YTHDC2: variants seen among roughly 807,000 people sequenced by gnomAD.
YTHDC2 encodes the protein 3'-5' RNA helicase YTHDC2.
A neutral mutation model predicts 174.9 loss-of-function variants in YTHDC2; 45 were observed. The ratio of observed to expected loss-of-function variants is 0.26; its 90% CI spans 0.20 to 0.33. YTHDC2 has a LOEUF of 0.33. Among genes scored for constraint, YTHDC2 ranks in the 10% least tolerant of loss-of-function variants. The pLI, the probability that YTHDC2 is intolerant of heterozygous loss-of-function variation, is 1.00. For synonymous variants in YTHDC2, 657 were observed against 574.5 expected (o/e 1.14, Z -2.05); for missense variants, 1,650 against 1,723.7 (o/e 0.96, Z 0.76).
intron 20 of YTHDC2, 27 bp from the exon 21 acceptor site, chr5:113,565,866 T>C: frequency 6.2e-7 from 1 of 1,604,588 alleles, no homozygotes; most frequent in Non-Finnish European, 8.5e-7. Context: ...AAATGTGTCT[T>C]GTTATGCAAT....
At chr5:113,560,596 G>A (rs1468361938) in intron 17 of YTHDC2, among the ~76,000 whole-genome samples, 1 of 152,138 alleles carries the variant, frequency 6.6e-6, no homozygotes, top group Non-Finnish European at 1.5e-5. Context: ...TTAGGAGACT[G>A]CTTTTCTTCC....
intron 26 of YTHDC2, among the ~76,000 whole-genome samples, chr5:113,589,310 T>C (rs1380718965): frequency 6.6e-6 from 1 of 151,034 alleles, no homozygotes; most frequent in Non-Finnish European, 1.5e-5. Flanking sequence ...ATGTTTTTAT[T>C]TAGTGTCTAA....
At chr5:113,536,108 T>C (rs996488645) in intron 7 of YTHDC2, among the ~76,000 whole-genome samples, 1 of 152,258 alleles carries the variant, frequency 6.6e-6, no homozygotes, top group Admixed American at 6.5e-5. Flanking sequence ...AAAAGTAGTC[T>C]ATACTCCCAT....
In YTHDC2 at chr5:113,542,385, T is replaced by G. The variant is rs773191586; in HGVS notation, c.1377T>G (p.Asn459Lys). The G allele has an allele frequency of 1.2e-5, 19 of 1,607,132 alleles. No homozygotes were observed. In the East Asian group the frequency reaches 3.1e-4, roughly 27 times the overall value. The change falls in exon 10 of 30, where the codon AAT becomes AAG. Residue 459 changes from asparagine (N) to lysine (K), a missense_variant. Coordinates refer to ENST00000161863, the MANE Select transcript of YTHDC2 (RefSeq NM_022828.5). ...TTTTGTAGACTGAAAAAGATGTGAATTGCCTTGAACCATGGTTAATAAAGG... is the reference window on the plus strand; with the variant it reads ...TTTTGTAGACTGAAAAAGATGTGAAGTGCCTTGAACCATGGTTAATAAAGG... ...VFSQLTEKDV[N>K]CLEPWLIKEM...
At chr5:113,589,402 A>ATATATATAT (rs1441251527) in intron 26 of YTHDC2, among the ~76,000 whole-genome samples, 1 of 114,246 alleles carries the variant, frequency 8.8e-6, no homozygotes, top group African/African-American at 4.0e-5. Flanking sequence ...AATTAAAAAA[A>ATATATATAT]AAAAAAATAT....
intron 10 of YTHDC2, among the ~76,000 whole-genome samples, chr5:113,545,764 G>A (rs1388306637): frequency 5.6e-5 from 2 of 35,592 alleles, no homozygotes; most frequent in Non-Finnish European, 8.3e-5. Context: ...TTTTTGAGAC[G>A]GAGTCTCGCT....
chr5:113,534,100 A>C (rs1774883194), intron 5 of YTHDC2, among the ~76,000 whole-genome samples: 1 of 152,228 alleles, frequency 6.6e-6, no homozygotes, highest in South Asian at 2.1e-4. Context: ...TTCTTTAACA[A>C]AATACATCAT....
At chr5:113,537,850 AC>A (rs1335977292) in intron 7 of YTHDC2, among the ~76,000 whole-genome samples, 1 of 151,982 alleles carries the variant, frequency 6.6e-6, no homozygotes, top group African/African-American at 2.4e-5. Flanking sequence ...ACTACTATTG[AC>A]CTAATCACCT....
At chr5:113,545,585 T>C (rs1489658592) in intron 10 of YTHDC2, among the ~76,000 whole-genome samples, 2 of 152,008 alleles carry the variant, frequency 1.3e-5, no homozygotes, top group South Asian at 2.1e-4. Context: ...TTCTCTTCTT[T>C]TGTTGAAGAG....
intron 20 of YTHDC2, 57 bp downstream of exon 20, chr5:113,564,188 G>T (rs568254552): frequency 2.1e-6 from 3 of 1,456,958 alleles, no homozygotes; most frequent in Middle Eastern, 3.6e-4. Context: ...CGTTTCTGGG[G>T]CAAATGTAGG....
chr5:113,520,863 C>T (rs2112531191), intron 2 of YTHDC2, among the ~76,000 whole-genome samples: 1 of 152,246 alleles, frequency 6.6e-6, no homozygotes, highest in Middle Eastern at 3.4e-3. Flanking sequence ...ATTTCATCAC[C>T]CAGGATTAAT....
intron 11 of YTHDC2, 66 bp downstream of exon 11, chr5:113,548,733 C>G: frequency 6.8e-7 from 1 of 1,460,354 alleles, no homozygotes; most frequent in Middle Eastern, 2.0e-4. Flanking sequence ...TTTTTGTTTT[C>G]TTATGTTTGT....
intron 8 of YTHDC2, among the ~76,000 whole-genome samples, chr5:113,540,267 C>T (rs1775360686): frequency 6.6e-6 from 1 of 152,126 alleles, no homozygotes; most frequent in Admixed American, 6.5e-5. Context: ...TGGTTTTCTA[C>T]AAAGTGCTGT....
chr5:113,590,589 A>G (rs1469493591), intron 26 of YTHDC2, among the ~76,000 whole-genome samples: 1 of 152,176 alleles, frequency 6.6e-6, no homozygotes, highest in Non-Finnish European at 1.5e-5. Flanking sequence ...CTTTCTGTCT[A>G]AGATAGTACA....
At chr5:113,588,129 G>A (rs1778794888) in intron 26 of YTHDC2, among the ~76,000 whole-genome samples, 1 of 151,956 alleles carries the variant, frequency 6.6e-6, no homozygotes, top group East Asian at 1.9e-4. Context: ...AATTCTATTA[G>A]CTTTTTATGC....
At chr5:113,523,173 AC>A (rs1192370236) in intron 2 of YTHDC2, among the ~76,000 whole-genome samples, 7 of 152,178 alleles carry the variant, frequency 4.6e-5, no homozygotes, top group African/African-American at 1.7e-4. Context: ...TGAATAAAAT[AC>A]AATTAAAGGT....
At chr5:113,562,229 A>G (rs921790792) in intron 18 of YTHDC2, among the ~76,000 whole-genome samples, 3 of 142,940 alleles carry the variant, frequency 2.1e-5, no homozygotes, top group Non-Finnish European at 4.5e-5. Flanking sequence ...ATCCTTAACA[A>G]GAGCATAAAT....
rs1017499340 is a variant in YTHDC2, at chr5:113,577,690, T to C, written c.3245-1896T>C. Among the ~76,000 whole-genome samples, 3 of 152,322 alleles carry C rather than the reference T, an allele frequency of 2.0e-5. No individual in the cohort carries two copies. The East Asian group carries it at 5.8e-4, about 29-fold the overall frequency. The stretch of plus-strand genomic sequence containing the variant: ...TGGCCTCTTTTGTATATTAATTTAA[T>C]GTTTCCATCCAGGAAATTTAGTATC... On this transcript the variant is annotated intron_variant, in intron 23 of 29. Transcript: ENST00000161863.
intron 4 of YTHDC2, among the ~76,000 whole-genome samples, chr5:113,530,994 C>G (rs1046617674): frequency 2.0e-5 from 3 of 152,296 alleles, no homozygotes; most frequent in Admixed American, 1.3e-4. Flanking sequence ...CGCCCCCCAA[C>G]TCCTTCTCTC....
Sources: allele counts gnomAD v4.1 joint callset (sites outside exome capture counted in the v4.1 genomes callset), GRCh38; gene constraint gnomAD v4.1.1; transcripts MANE v1.5; gene names NCBI Gene and HGNC (gene_info 2026-07-23, HGNC 2026-07-21).